MEI1: variants seen among roughly 807,000 people sequenced by gnomAD.
MEI1 encodes meiotic double-stranded break formation protein 1, also known as meiosis inhibitor protein 1.
A neutral mutation model predicts 146.2 loss-of-function variants in MEI1; 103 were observed. The ratio of observed to expected loss-of-function variants is 0.70; its 90% CI spans 0.60 to 0.83. The LOEUF (loss-of-function observed/expected upper bound fraction) is 0.83. MEI1 is among the 40% of genes least tolerant of loss of function. The pLI, the probability that MEI1 is intolerant of heterozygous loss-of-function variation, is 0.00. For synonymous variants in MEI1, 652 were observed against 628.2 expected (o/e 1.04, Z -0.57); for missense variants, 1,529 against 1,533.0 (o/e 1.00, Z 0.04).
intron 14 of MEI1, among the ~76,000 whole-genome samples, chr22:41,746,603 A>G (rs1190715992): frequency 6.6e-6 from 1 of 152,162 alleles, no homozygotes; most frequent in Non-Finnish European, 1.5e-5. Flanking sequence ...TGAGGTTGAG[A>G]TGGTGGGAAG....
At chr22:41,745,232 G>A (rs1184965354) in intron 13 of MEI1, among the ~76,000 whole-genome samples, 168 bp downstream of exon 13, 1 of 152,140 alleles carries the variant, frequency 6.6e-6, no homozygotes, top group African/African-American at 2.4e-5. Flanking sequence ...GAGGCTTGAG[G>A]ACAGGCAGCT....
At position 41,795,425 on chromosome 22, in the gene MEI1, G is replaced by T. The variant is rs756324729; in HGVS notation, c.3549G>T (p.Arg1183=). Residue 1183 remains arginine, a synonymous_variant, in exon 29 of 31, where the codon CGG becomes CGT. Transcript: ENST00000401548. The surrounding 1 kb of genome is among the most constrained non-coding windows in gnomAD (Gnocchi z 4.2). ...LRLMTLFMRY[R]SSSVLSHEEV... ...TCCTGGGCCAGTTTATGCGGTACCG[G>T]AGTAGCAGTGTCCTCTCTCATGAAG... 6.2e-7 allele frequency: 1 copy of T among 1,613,824 alleles called. No homozygotes were observed. Among genetic ancestry groups the T allele is most frequent in the Non-Finnish European group, 8.5e-7 (1 of 1,179,840 alleles).
chr22:41,762,847 C>G (rs1281913128), intron 18 of MEI1, among the ~76,000 whole-genome samples: 1 of 152,184 alleles, frequency 6.6e-6, no homozygotes, highest in Non-Finnish European at 1.5e-5. Context: ...GGTGGAGCAG[C>G]TGCCAGAGCA....
intron 20 of MEI1, among the ~76,000 whole-genome samples, chr22:41,772,996 C>T (rs1369827158): frequency 6.6e-6 from 1 of 152,202 alleles, no homozygotes; most frequent in African/African-American, 2.4e-5. Context: ...TAACTGAAGG[C>T]TGTGCTAGGC....
intron 5 of MEI1, among the ~76,000 whole-genome samples, chr22:41,716,972 A>C (rs1459646509): frequency 6.6e-6 from 1 of 151,920 alleles, no homozygotes; most frequent in Non-Finnish European, 1.5e-5. Flanking sequence ...TACAGGTGTG[A>C]GCCACCACGC....
At chr22:41,757,739 G>A (rs986833274) in intron 17 of MEI1, among the ~76,000 whole-genome samples, 3 of 152,146 alleles carry the variant, frequency 2.0e-5, no homozygotes, top group Non-Finnish European at 4.4e-5. Flanking sequence ...GCAATTGCCT[G>A]TCTCATTATG....
intron 26 of MEI1, among the ~76,000 whole-genome samples, chr22:41,789,803 T>A (rs1226736415): frequency 6.6e-6 from 1 of 152,188 alleles, no homozygotes; most frequent in African/African-American, 2.4e-5. Flanking sequence ...CCTGAGAAGC[T>A]CATGACTCCC....
At chr22:41,793,267 T>C (rs1277197345) in intron 26 of MEI1, among the ~76,000 whole-genome samples, 1 of 151,922 alleles carries the variant, frequency 6.6e-6, no homozygotes, top group African/African-American at 2.4e-5. Context: ...CCTGACCTCG[T>C]GATCCACCCG....
chr22:41,746,418 A>T (rs1396916933), intron 14 of MEI1, among the ~76,000 whole-genome samples: 1 of 152,186 alleles, frequency 6.6e-6, no homozygotes, highest in Non-Finnish European at 1.5e-5. Context: ...GCTGAGATTG[A>T]ACCTATGACT....
intron 5 of MEI1, among the ~76,000 whole-genome samples, chr22:41,717,199 C>T (rs1413069765): frequency 6.6e-6 from 1 of 151,990 alleles, no homozygotes; most frequent in Non-Finnish European, 1.5e-5. Flanking sequence ...TTTTTTGAGA[C>T]AGAACCGGGC....
intron 20 of MEI1, 162 bp from the exon 21 acceptor site, chr22:41,775,940 T>C (rs1178774486): frequency 4.6e-6 from 3 of 649,030 alleles, no homozygotes; most frequent in African/African-American, 1.8e-5. Flanking sequence ...TCAGTGCACC[T>C]AGAAGAGCCT....
chr22:41,799,059 C>T (rs1056501678), intron 30 of MEI1, among the ~76,000 whole-genome samples, 195 bp from the exon 31 acceptor site: 2 of 152,100 alleles, frequency 1.3e-5, no homozygotes, highest in African/African-American at 2.4e-5. Flanking sequence ...TTGCCCCTTC[C>T]GTGCAATAGT....
At chr22:41,766,983 G>A (rs546342382) in intron 19 of MEI1, among the ~76,000 whole-genome samples, 2 of 152,200 alleles carry the variant, frequency 1.3e-5, no homozygotes, top group Non-Finnish European at 2.9e-5. Flanking sequence ...AGGCAGGGAA[G>A]CTCTTTGTTC....
chr22:41,746,974 T>C (rs1489340782), intron 14 of MEI1, among the ~76,000 whole-genome samples: 1 of 152,114 alleles, frequency 6.6e-6, no homozygotes, highest in African/African-American at 2.4e-5. Flanking sequence ...AAGTAGATCA[T>C]AGAATTATTG....
rs757647483 is a variant in MEI1 at position 41,732,266 on chromosome 22, G to A, written c.1118G>A (p.Ser373Asn). The part of the protein sequence containing the change: ...TVYGIEAVVR[S>N]LQGSLKMNNI... ...GTAGGGATCGAGGCAGTGGTGAGGA[G>A]CCTGCAGGGAAGCCTGAAGATGAAC... is the stretch of plus-strand genomic sequence containing the variant. The change falls in exon 10 of 31, where the codon AGC (serine) becomes AAC (asparagine). Residue 373 changes from serine (S) to asparagine (N), a missense_variant. By Grantham distance (46) the Ser-to-Asn change is conservative. This residue lies in a region of MEI1 where 1,212 missense variants were observed against 1,178.9 expected (regional missense o/e 1.03). Transcript: ENST00000401548. 4 of 1,611,120 alleles carry A rather than the reference G, an allele frequency of 2.5e-6. No homozygotes were observed. Among genetic ancestry groups the A allele is most frequent in the Non-Finnish European group, 3.4e-6 (4 of 1,178,902 alleles).
At chr22:41,757,744 A>T (rs1327386915) in intron 17 of MEI1, among the ~76,000 whole-genome samples, 2 of 152,050 alleles carry the variant, frequency 1.3e-5, no homozygotes, top group South Asian at 4.1e-4. Context: ...TGCCTGTCTC[A>T]TTATGTGTCT....
rs754822453 is a variant in MEI1, at chr22:41,770,686, A to G, written c.2269A>G (p.Thr757Ala). The change falls in exon 20 of 31, where the codon ACT becomes GCT. Residue 757 changes from threonine to alanine, a missense_variant and splice_region_variant. By Grantham distance (58) the Thr-to-Ala change is moderately conservative. Transcript: ENST00000401548. ...CQDKDNTLRE[T>A]MVSAIRKFLE... ...CCTCCTTTCTTTGTTTTGCCTCCAG[A>G]CTATGGTCAGTGCAATCAGAAAATT... 8.7e-6 allele frequency: 14 copies of G among 1,613,062 alleles called. No individual in the cohort carries two copies. In the East Asian group the frequency reaches 3.1e-4, roughly 36 times the overall value.
At chr22:41,767,799 A>G (rs767086631) in intron 19 of MEI1, among the ~76,000 whole-genome samples, 1 of 152,180 alleles carries the variant, frequency 6.6e-6, no homozygotes, top group Non-Finnish European at 1.5e-5. Flanking sequence ...AAGATCTCCT[A>G]TGGGTCAGGC....
Position 41,746,108 on chromosome 22 carries a change from CAG to C in MEI1, c.1680+83_1680+84del, listed in dbSNP as rs2073266429. On this transcript the variant is annotated intron_variant, in intron 14 of 30. Transcript: ENST00000401548. Reference sequence around the variant, plus strand: ...GCGAGCCAGGCTCAGAGGCATAAGGCAGTGACTGCTCAAAGGAACTCTCTGGG... The same window carrying C: ...GCGAGCCAGGCTCAGAGGCATAAGGCTGACTGCTCAAAGGAACTCTCTGGG... The C allele has an allele frequency of 2.2e-6, 3 of 1,364,230 alleles. No homozygotes were observed. In the African/African-American group the frequency reaches 4.3e-5, roughly 20 times the overall value. 84.5% of individuals were successfully genotyped at this position (1,364,230 alleles called of 1,614,324 possible). A position where few individuals can be genotyped will look rare whatever the true frequency, so the allele number is the denominator to read the frequency against.
Sources: gnomAD v4.1 joint callset for allele counts (sites outside exome capture counted in the v4.1 genomes callset) on GRCh38, gnomAD v4.1.1 for gene constraint, gnomAD v4.1.1 regional missense constraint, Gnocchi (gnomAD v3.1) non-coding constraint, MANE v1.5 for transcripts, NCBI Gene and HGNC (gene_info 2026-07-23, HGNC 2026-07-21) for gene names.